Variants in SLCO2A1 observed in about 807,000 individuals in gnomAD.
The protein encoded by SLCO2A1 is solute carrier organic anion transporter family member 2A1.
In SLCO2A1, 60 loss-of-function variants were observed where a neutral mutation model predicts 71.7. The ratio of observed to expected loss-of-function variants is 0.84; its 90% CI spans 0.68 to 1.04. The LOEUF (loss-of-function observed/expected upper bound fraction) is 1.04, where lower values mean the gene tolerates loss of function less well. Among genes scored for constraint, SLCO2A1 ranks in the 50% least tolerant of loss-of-function variants. The pLI is 0.00. For synonymous variants in SLCO2A1, 308 were observed against 326.7 expected (o/e 0.94, Z 0.62); for missense variants, 745 against 813.4 (o/e 0.92, Z 1.02).
At chr3:134,010,751 C>CAAAAAAAAAA (rs57260052) in intron 1 of SLCO2A1, among the ~76,000 whole-genome samples, 6 of 70,898 alleles carry the variant, frequency 8.5e-5, no homozygotes, top group African/African-American at 3.0e-4. Context: ...AGACTCTGTC[C>CAAAAAAAAAA]AAAAAAAAAA....
At chr3:133,997,354 C>A (rs1285706413) in intron 1 of SLCO2A1, among the ~76,000 whole-genome samples, 1 of 152,176 alleles carries the variant, frequency 6.6e-6, no homozygotes, top group Non-Finnish European at 1.5e-5. Context: ...GTGGGTTTAA[C>A]CCCCGGTGCT....
rs1316356862 is a variant in SLCO2A1, at chr3:133,938,478, C to T, written c.1641G>A (p.Glu547=). The change falls in exon 12 of 14, where the codon GAG becomes GAA. Residue 547 remains glutamate (E), a synonymous_variant. Coordinates refer to ENST00000310926, the MANE Select transcript of SLCO2A1 (RefSeq NM_005630.3). ...YMMVLRVVNQ[E]EKSFAIGVQF... ...GCACCCCGATGGCAAATGACTTTTC[C>T]TCCTGGTTCACCACACTGAAAAGAC... 1 of 1,614,094 alleles carries T rather than the reference C, an allele frequency of 6.2e-7. No homozygotes were observed. The highest frequency in any genetic ancestry group is 8.5e-7 in the Non-Finnish European group (1 of 1,180,016).
chr3:133,987,099 T>C (rs903506782), intron 1 of SLCO2A1, among the ~76,000 whole-genome samples: 2 of 151,416 alleles, frequency 1.3e-5, no homozygotes, highest in Admixed American at 1.3e-4. Context: ...ACTGATGTCT[T>C]ATGTCCATGT....
intron 1 of SLCO2A1, among the ~76,000 whole-genome samples, chr3:133,995,263 A>G (rs1182588471): frequency 3.9e-5 from 6 of 152,090 alleles, no homozygotes; most frequent in Admixed American, 3.9e-4. Context: ...GATCTTCAAA[A>G]ATGGAGATCA....
At chr3:133,989,857 C>T (rs1398906992) in intron 1 of SLCO2A1, among the ~76,000 whole-genome samples, 2 of 152,240 alleles carry the variant, frequency 1.3e-5, no homozygotes, top group African/African-American at 4.8e-5. Context: ...GCAAAGCCCC[C>T]TTCTCCCTAC....
At chr3:133,957,922 A>C (rs1305716278) in intron 3 of SLCO2A1, among the ~76,000 whole-genome samples, 1 of 152,190 alleles carries the variant, frequency 6.6e-6, no homozygotes, top group Non-Finnish European at 1.5e-5. Context: ...TGGTTCCAAA[A>C]AGATGCCCAA....
chr3:133,936,006 C>T (rs892193846), intron 12 of SLCO2A1, 109 bp from the exon 13 acceptor site: 8 of 1,138,328 alleles, frequency 7.0e-6, no homozygotes, highest in Non-Finnish European at 5.8e-6. Flanking sequence ...GAGAACGGCT[C>T]TGCCGTACCC....
chr3:134,009,397 A>T (rs1484025218), intron 1 of SLCO2A1, among the ~76,000 whole-genome samples: 1 of 152,230 alleles, frequency 6.6e-6, no homozygotes, highest in African/African-American at 2.4e-5. Flanking sequence ...AAGACTTTTT[A>T]AAAAATGATT....
At chr3:133,999,482 G>GC (rs34815645) in intron 1 of SLCO2A1, among the ~76,000 whole-genome samples, 42,739 of 152,058 alleles carry the variant, frequency 0.28, 6,345 homozygotes, top group East Asian at 0.53. Context: ...CAAGGGCCGA[G>GC]CAGGGCTGCC....
At chr3:133,997,890 A>G (rs1255451351) in intron 1 of SLCO2A1, among the ~76,000 whole-genome samples, 1 of 152,222 alleles carries the variant, frequency 6.6e-6, no homozygotes, top group Non-Finnish European at 1.5e-5. Context: ...ATTTATGTTA[A>G]GCTTCAGTAT....
At chr3:133,944,685 C>T (rs1163554128) in intron 10 of SLCO2A1, among the ~76,000 whole-genome samples, 1 of 152,216 alleles carries the variant, frequency 6.6e-6, no homozygotes, top group Non-Finnish European at 1.5e-5. Context: ...TCTGGCTCTA[C>T]CCTTCCAGGT....
Position 133,979,567 on chromosome 3 carries a change from C to T in SLCO2A1, c.148G>A (p.Ala50Thr), listed in dbSNP as rs747078782. Residue 50 changes from alanine (A) to threonine (T), a missense_variant, in exon 2 of 14, where the codon GCC becomes ACC. By Grantham distance (58) the Ala-to-Thr change is moderately conservative. Coordinates refer to ENST00000310926, the MANE Select transcript of SLCO2A1 (RefSeq NM_005630.3). ...LLQLCQLLYS[A>T]YFKSSLTTIE... ...GTGGTGAGGCTGCTCTTGAAGTAGGCGCTGTACAGGAGTTGGCAGAGCTGC... is the reference window on the plus strand; with the variant it reads ...GTGGTGAGGCTGCTCTTGAAGTAGGTGCTGTACAGGAGTTGGCAGAGCTGC... 4.1e-5 allele frequency: 66 copies of T among 1,613,920 alleles called. No individual in the cohort carries two copies. The highest frequency in any genetic ancestry group is 8.3e-5 in the Admixed American group (5 of 59,980).
At chr3:133,985,470 AT>A (rs1934692578) in intron 1 of SLCO2A1, among the ~76,000 whole-genome samples, 1 of 152,162 alleles carries the variant, frequency 6.6e-6, no homozygotes, top group African/African-American at 2.4e-5. Flanking sequence ...GAGTCTTGCA[AT>A]TTCTTCACAA....
At chr3:134,002,122 A>T (rs1292085532) in intron 1 of SLCO2A1, among the ~76,000 whole-genome samples, 1 of 152,126 alleles carries the variant, frequency 6.6e-6, no homozygotes, top group Non-Finnish European at 1.5e-5. Flanking sequence ...AACACTCCTG[A>T]CTCCAGCCTC....
chr3:133,961,055 T>C (rs909772362), intron 3 of SLCO2A1, among the ~76,000 whole-genome samples: 1 of 151,382 alleles, frequency 6.6e-6, no homozygotes, highest in African/African-American at 2.4e-5. Flanking sequence ...TTGTGCATGA[T>C]GGGAAGGGGC....
intron 1 of SLCO2A1, among the ~76,000 whole-genome samples, chr3:134,022,356 T>C (rs1191354268): frequency 6.6e-6 from 1 of 152,178 alleles, no homozygotes; most frequent in Non-Finnish European, 1.5e-5. Flanking sequence ...AAGTAAAATA[T>C]ACCTTTGGTA....
intron 1 of SLCO2A1, among the ~76,000 whole-genome samples, chr3:134,010,225 G>A (rs1559956906): frequency 6.6e-6 from 1 of 152,196 alleles, no homozygotes; most frequent in African/African-American, 2.4e-5. Context: ...TAAGGGTGGT[G>A]TATTAGTCCA....
At chr3:133,972,028 T>C (rs1355794610) in intron 3 of SLCO2A1, among the ~76,000 whole-genome samples, 2 of 151,986 alleles carry the variant, frequency 1.3e-5, no homozygotes, top group East Asian at 3.9e-4. Flanking sequence ...CAAGCAGACA[T>C]AAAACAATGG....
intron 1 of SLCO2A1, among the ~76,000 whole-genome samples, chr3:133,983,169 A>G (rs1041635269): frequency 1.3e-5 from 2 of 152,204 alleles, no homozygotes; most frequent in Non-Finnish European, 2.9e-5. Context: ...GCTGGATCCT[A>G]AAAGTGGACA....
Sources: gnomAD v4.1 joint callset for allele counts (sites outside exome capture counted in the v4.1 genomes callset) on GRCh38, gnomAD v4.1.1 for gene constraint, MANE v1.5 for transcripts, NCBI Gene and HGNC (gene_info 2026-07-23, HGNC 2026-07-21) for gene names.